The following TTC7A variants were observed in gnomAD, a reference collection of about 807,000 sequenced individuals.
TTC7A encodes the protein tetratricopeptide repeat domain 7A, also known as tetratricopeptide repeat protein 7A.
A neutral mutation model predicts 103.7 loss-of-function variants in TTC7A; 110 were observed. The observed-to-expected ratio is 1.06, with a 90% CI of 0.91 to 1.24. The LOEUF (loss-of-function observed/expected upper bound fraction) is 1.24, where lower values mean the gene tolerates loss of function less well. TTC7A is among the 50% of genes most tolerant of loss of function. TTC7A has a pLI of 0.00. For synonymous variants in TTC7A, 521 were observed against 467.9 expected (o/e 1.11, Z -1.47); for missense variants, 1,340 against 1,116.3 (o/e 1.20, Z -2.86).
intron 3 of TTC7A, among the ~76,000 whole-genome samples, chr2:46,963,683 C>T (rs1672583057): frequency 6.6e-6 from 1 of 152,220 alleles, no homozygotes; most frequent in South Asian, 2.1e-4. Context: ...TTTATGGCCC[C>T]TTGTACTAGA....
chr2:47,043,161 T>C (rs896079698), intron 15 of TTC7A, among the ~76,000 whole-genome samples: 2 of 152,224 alleles, frequency 1.3e-5, no homozygotes, highest in African/African-American at 2.4e-5. Flanking sequence ...AGAGGGGGCC[T>C]GTGCTCCTTA....
At chr2:46,978,970 G>T in intron 5 of TTC7A, 63 bp downstream of exon 5, 1 of 1,203,226 alleles carries the variant, frequency 8.3e-7, no homozygotes. Flanking sequence ...TTTTGACGTG[G>T]CCTTAAGGCT....
chr2:47,067,364 TGGCCTG>T (rs1373569508), intron 19 of TTC7A, among the ~76,000 whole-genome samples: 10 of 152,352 alleles, frequency 6.6e-5, no homozygotes, highest in African/African-American at 2.2e-4. Context: ...TGGTGGCACG[TGGCCTG>T]AGCCTGAGCC....
intron 10 of TTC7A, among the ~76,000 whole-genome samples, chr2:47,010,127 T>A (rs2104477752): frequency 6.6e-6 from 1 of 152,234 alleles, no homozygotes; most frequent in Non-Finnish European, 1.5e-5. Context: ...ATCATAAGAT[T>A]GCTGTAAAAA....
chr2:46,934,447 C>T (rs988684800), intron 2 of TTC7A, among the ~76,000 whole-genome samples: 2 of 152,104 alleles, frequency 1.3e-5, no homozygotes, highest in Non-Finnish European at 1.5e-5. Flanking sequence ...TTAGTAGAGA[C>T]AGGGTTTTGC....
At chr2:46,931,322 G>A (rs1226952269) in intron 2 of TTC7A, among the ~76,000 whole-genome samples, 1 of 152,232 alleles carries the variant, frequency 6.6e-6, no homozygotes. Context: ...CTGGCCTCAA[G>A]CAATCCTCTC....
At chr2:46,925,252 A>C (rs1190927512) in intron 2 of TTC7A, among the ~76,000 whole-genome samples, 1 of 152,110 alleles carries the variant, frequency 6.6e-6, no homozygotes, top group Non-Finnish European at 1.5e-5. Context: ...CACCACACCC[A>C]CTTGTTTTTT....
chr2:47,053,854 G>A (rs1014496988), intron 18 of TTC7A, among the ~76,000 whole-genome samples: 6 of 152,276 alleles, frequency 3.9e-5, no homozygotes, highest in South Asian at 2.1e-4. Flanking sequence ...GATTACAGGC[G>A]TGAGCCACTG....
intron 5 of TTC7A, among the ~76,000 whole-genome samples, chr2:46,991,557 T>C (rs1270917339): frequency 6.6e-6 from 1 of 152,204 alleles, no homozygotes; most frequent in Non-Finnish European, 1.5e-5. Context: ...GCACACTAAC[T>C]TTTAAAAAAT....
chr2:47,051,996 C>A lies in TTC7A; in HGVS notation c.2152+116C>A, dbSNP rs554344782. 25 of 1,356,822 alleles carry A rather than the reference C, an allele frequency of 1.8e-5. No individual in the cohort carries two copies. In the East Asian group the frequency reaches 6.1e-4, roughly 33 times the overall value. The allele number at this position is 1,356,822 out of a possible 1,614,324, so 84.0% of individuals were successfully genotyped here. A position where few individuals can be genotyped will look rare whatever the true frequency, so the allele number is the denominator to read the frequency against. ...GTGGGGACACCTTGCTAGGCCCACG[C>A]GGGTTACAGAGTCCTCGCCTCTGGC... On this transcript the variant is annotated intron_variant, in intron 18 of 19. Transcript: ENST00000319190.
chr2:47,019,980 A>T (rs13015901), intron 11 of TTC7A, among the ~76,000 whole-genome samples: 51,438 of 151,994 alleles, frequency 0.34, 8,943 homozygotes, highest in South Asian at 0.4. Flanking sequence ...CTCCTGGGGT[A>T]ACCACAGCCA....
chr2:47,054,509 G>A (rs539313554), intron 18 of TTC7A, among the ~76,000 whole-genome samples: 1 of 152,280 alleles, frequency 6.6e-6, no homozygotes, highest in African/African-American at 2.4e-5. Flanking sequence ...GGCTCTGGCA[G>A]ATGTCATTAT....
upstream of TTC7A, among the ~76,000 whole-genome samples, chr2:46,939,227 T>C (rs1670130479): frequency 6.6e-6 from 1 of 152,050 alleles, no homozygotes; most frequent in Admixed American, 6.5e-5. Flanking sequence ...CTACCCAAAA[T>C]TGTACAATAG....
intron 2 of TTC7A, among the ~76,000 whole-genome samples, chr2:46,923,997 A>G (rs1572637929): frequency 6.6e-6 from 1 of 152,004 alleles, no homozygotes; most frequent in Middle Eastern, 3.4e-3. Flanking sequence ...CGGCCTCCCA[A>G]AGTGCTGGGA....
At chr2:47,033,720 A>C (rs1422974343) in intron 15 of TTC7A, among the ~76,000 whole-genome samples, 1 of 152,206 alleles carries the variant, frequency 6.6e-6, no homozygotes, top group African/African-American at 2.4e-5. Flanking sequence ...AGGAGAGGGC[A>C]CACAGTCGAT....
chr2:47,012,851 C>T (rs1678227807), intron 11 of TTC7A, among the ~76,000 whole-genome samples: 1 of 152,202 alleles, frequency 6.6e-6, no homozygotes. Context: ...TGAAGTGCCC[C>T]ATCCCCTCTG....
At chr2:47,027,838 G>A (rs939813162) in intron 14 of TTC7A, among the ~76,000 whole-genome samples, 2 of 151,600 alleles carry the variant, frequency 1.3e-5, no homozygotes, top group Non-Finnish European at 2.9e-5. Flanking sequence ...ATGGGACTGC[G>A]TAAGGGGCTG....
intron 16 of TTC7A, chr2:47,046,684 C>T: frequency 2.0e-6 from 1 of 496,918 alleles, no homozygotes. Context: ...AGAAATCATT[C>T]TTGAGCACTG....
intron 14 of TTC7A, among the ~76,000 whole-genome samples, chr2:47,027,048 C>T (rs531946648): frequency 2.8e-4 from 42 of 152,336 alleles, no homozygotes; most frequent in African/African-American, 9.1e-4. Context: ...TATCCCAGGG[C>T]CAGGCCTTCC....
Sources: allele counts gnomAD v4.1 joint callset (sites outside exome capture counted in the v4.1 genomes callset), GRCh38; gene constraint gnomAD v4.1.1; transcripts MANE v1.5; gene names NCBI Gene and HGNC (gene_info 2026-07-23, HGNC 2026-07-21).